LPGAT1: variants seen among roughly 807,000 people sequenced by gnomAD.
LPGAT1 encodes lysophosphatidylglycerol acyltransferase 1.
LPGAT1 carries 11 observed loss-of-function variants against 47.5 expected under a neutral mutation model. The observed-to-expected ratio is 0.23, with a 90% CI of 0.15 to 0.38. LPGAT1 has a LOEUF of 0.38. Among genes scored for constraint, LPGAT1 ranks in the 10% least tolerant of loss-of-function variants. The pLI is 1.00. For missense variants in LPGAT1, 293 were observed against 439.0 expected (o/e 0.67, Z 2.97); for synonymous variants, 138 against 144.2 (o/e 0.96, Z 0.31).
At chr1:211,828,979 C>A in intron 2 of LPGAT1, 80 bp downstream of exon 2, 1 of 1,433,562 alleles carries the variant, frequency 7.0e-7, no homozygotes, top group Non-Finnish European at 9.6e-7. Flanking sequence ...GCATCCTCAA[C>A]CCAAAGTGTA....
intron 2 of LPGAT1, among the ~76,000 whole-genome samples, chr1:211,807,933 A>AT (rs955484111): frequency 3.9e-5 from 6 of 152,292 alleles, no homozygotes; most frequent in Non-Finnish European, 7.4e-5. Flanking sequence ...GGGCTGCCCA[A>AT]TTTTTTTAAA....
At chr1:211,756,875 C>CTT (rs1233456083) in intron 6 of LPGAT1, among the ~76,000 whole-genome samples, 2 of 132,118 alleles carry the variant, frequency 1.5e-5, no homozygotes, top group Non-Finnish European at 1.6e-5. Context: ...TTTTTTCTCT[C>CTT]TTTTTTTTTT....
intron 5 of LPGAT1, 90 bp from the exon 6 acceptor site, chr1:211,779,134 T>C: frequency 1.9e-6 from 2 of 1,054,206 alleles, no homozygotes; most frequent in Admixed American, 2.7e-5. Context: ...GTGTAAGATA[T>C]ATCACTATAC....
At chr1:211,763,685 T>C (rs1221038832) in intron 6 of LPGAT1, among the ~76,000 whole-genome samples, 1 of 152,260 alleles carries the variant, frequency 6.6e-6, no homozygotes, top group Non-Finnish European at 1.5e-5. Context: ...GACACCTGTT[T>C]CTCAGATACA....
chr1:211,825,115 C>A (rs368867178), intron 2 of LPGAT1, among the ~76,000 whole-genome samples: 29 of 151,966 alleles, frequency 1.9e-4, no homozygotes, highest in East Asian at 1.3e-3. Context: ...CTCTCTCTCA[C>A]CCTATATAAA....
chr1:211,756,494 A>AT (rs1657460125), intron 6 of LPGAT1, among the ~76,000 whole-genome samples: 1 of 151,990 alleles, frequency 6.6e-6, no homozygotes. Flanking sequence ...TGCCCAGCTA[A>AT]TTTTTTTGTT....
At chr1:211,814,477 A>G (rs1414771911) in intron 2 of LPGAT1, among the ~76,000 whole-genome samples, 2 of 152,226 alleles carry the variant, frequency 1.3e-5, no homozygotes, top group African/African-American at 4.8e-5. Context: ...GACCAGATCC[A>G]TGGGGGCTCT....
rs542030208 is a variant in LPGAT1, at chr1:211,794,551, C to T, written c.239-1361G>A. Among the ~76,000 whole-genome samples the T allele has an allele frequency of 2.6e-4, 40 of 152,270 alleles. No homozygotes were observed. The South Asian group carries it at 4.4e-3, about 17-fold the overall frequency. On this transcript the variant is annotated intron_variant, in intron 2 of 7. Coordinates refer to ENST00000366997, the MANE Select transcript of LPGAT1 (RefSeq NM_014873.3). Reference sequence around the variant, plus strand: ...AAACTCCTGGGCTCAAGCAATCCACCGGCTTCAGCCTCTCAAAGTATTGAC... The same window carrying T: ...AAACTCCTGGGCTCAAGCAATCCACTGGCTTCAGCCTCTCAAAGTATTGAC...
chr1:211,769,063 T>C (rs1309264724), intron 6 of LPGAT1, among the ~76,000 whole-genome samples: 1 of 152,164 alleles, frequency 6.6e-6, no homozygotes, highest in African/African-American at 2.4e-5. Context: ...GAAGCCATGA[T>C]GGAATTCTGA....
intron 2 of LPGAT1, among the ~76,000 whole-genome samples, chr1:211,815,498 G>A (rs1451687123): frequency 2.0e-5 from 3 of 152,114 alleles, no homozygotes; most frequent in African/African-American, 2.4e-5. Context: ...TCTTCCACAC[G>A]GTCTCCTGGC....
At chr1:211,762,072 A>C (rs1429447407) in intron 6 of LPGAT1, among the ~76,000 whole-genome samples, 2 of 152,254 alleles carry the variant, frequency 1.3e-5, no homozygotes, top group Non-Finnish European at 2.9e-5. Context: ...ATTACTTTAT[A>C]AGATTAATTT....
chr1:211,751,049 A>G lies in LPGAT1; in HGVS notation c.873T>C (p.Asp291=). Residue 291 remains aspartate, a synonymous_variant, in exon 7 of 8, where the codon GAT becomes GAC. Coordinates refer to ENST00000366997, the MANE Select transcript of LPGAT1 (RefSeq NM_014873.3). ...HVHYRIFPIK[D]VPLETDDLTT... ...TAAGGTCATCAGTCTCCAGGGGTAC[A>G]TCTTTAATTGGAAAGATCCTATTAA... 6.2e-7 allele frequency: 1 copy of G among 1,612,272 alleles called. No homozygotes were observed. Among genetic ancestry groups the G allele is most frequent in the South Asian group, 1.1e-5 (1 of 90,820 alleles).
intron 6 of LPGAT1, 103 bp from the exon 7 acceptor site, chr1:211,751,170 A>T (rs1657163046): frequency 1.3e-6 from 1 of 761,794 alleles, no homozygotes; most frequent in Non-Finnish European, 2.1e-6. Context: ...TTGTGTTGTC[A>T]TCTTTTGCTT....
At chr1:211,751,885 A>G (rs1023175385) in intron 6 of LPGAT1, among the ~76,000 whole-genome samples, 51 of 151,438 alleles carry the variant, frequency 3.4e-4, no homozygotes, top group African/African-American at 9.2e-4. Context: ...ATTGATTATC[A>G]CCTCTTTTAG....
At chr1:211,765,411 T>G (rs1471559965) in intron 6 of LPGAT1, among the ~76,000 whole-genome samples, 1 of 152,220 alleles carries the variant, frequency 6.6e-6, no homozygotes, top group Non-Finnish European at 1.5e-5. Context: ...TCAGATTCAA[T>G]GACTAAGTAA....
At chr1:211,785,766 C>T (rs1658853553) in intron 4 of LPGAT1, among the ~76,000 whole-genome samples, 1 of 151,974 alleles carries the variant, frequency 6.6e-6, no homozygotes, top group Non-Finnish European at 1.5e-5. Context: ...GCTACCATGC[C>T]CAGCCAATTT....
intron 2 of LPGAT1, among the ~76,000 whole-genome samples, chr1:211,824,513 G>A (rs779935679): frequency 6.6e-6 from 1 of 152,168 alleles, no homozygotes; most frequent in Non-Finnish European, 1.5e-5. Flanking sequence ...CCCAGAGTAG[G>A]TAAGGATCTC....
chr1:211,811,379 G>A (rs189321213), intron 2 of LPGAT1, among the ~76,000 whole-genome samples: 40 of 152,318 alleles, frequency 2.6e-4, no homozygotes, highest in Admixed American at 9.8e-4. Flanking sequence ...AAAAGGAACT[G>A]ATAACATACG....
chr1:211,756,857 G>GTTT (rs528629982), intron 6 of LPGAT1, among the ~76,000 whole-genome samples: 1 of 130,732 alleles, frequency 7.6e-6, no homozygotes, highest in Admixed American at 7.6e-5. Flanking sequence ...TGTTTGCTTT[G>GTTT]TTTTTTTTTT....
Sources: gnomAD v4.1 joint callset for allele counts (sites outside exome capture counted in the v4.1 genomes callset) on GRCh38, gnomAD v4.1.1 for gene constraint, MANE v1.5 for transcripts, NCBI Gene and HGNC (gene_info 2026-07-23, HGNC 2026-07-21) for gene names.